The following SNTB1 variants were observed in gnomAD, a reference collection of about 807,000 sequenced individuals.
SNTB1 encodes beta-1-syntrophin.
In SNTB1, 36 loss-of-function variants were observed where a neutral mutation model predicts 48.9. That is an observed-to-expected ratio of 0.74 (90% confidence interval 0.56 to 0.97). SNTB1 has a LOEUF of 0.97. Among genes scored for constraint, SNTB1 ranks in the 50% least tolerant of loss-of-function variants. The probability of loss-of-function intolerance (pLI) is 0.00; values close to 1 mark genes in which losing one functional copy is unlikely to be tolerated. For synonymous variants in SNTB1, 299 were observed against 294.6 expected (o/e 1.01, Z -0.15); for missense variants, 786 against 703.4 (o/e 1.12, Z -1.33).
chr8:120,594,247 T>C (rs902985905), intron 3 of SNTB1, among the ~76,000 whole-genome samples: 1 of 151,838 alleles, frequency 6.6e-6, no homozygotes, highest in Non-Finnish European at 1.5e-5. Context: ...TGTATGTATG[T>C]ATGTTTTGAG....
chr8:120,540,591 C>T (rs1815270245), intron 6 of SNTB1, among the ~76,000 whole-genome samples: 2 of 152,116 alleles, frequency 1.3e-5, no homozygotes, highest in Admixed American at 6.6e-5. Flanking sequence ...TAGAAATAGT[C>T]TTAGTAAAAT....
intron 4 of SNTB1, among the ~76,000 whole-genome samples, chr8:120,553,259 G>T (rs1200323758): frequency 6.6e-6 from 1 of 152,202 alleles, no homozygotes; most frequent in Non-Finnish European, 1.5e-5. Flanking sequence ...AACTAACCAA[G>T]TGTAAATTCT....
At chr8:120,564,943 C>T (rs1815725880) in intron 4 of SNTB1, among the ~76,000 whole-genome samples, 1 of 152,142 alleles carries the variant, frequency 6.6e-6, no homozygotes, top group Admixed American at 6.5e-5. Context: ...TAAACTGAGG[C>T]TTGCCTGGGC....
At chr8:120,686,528 C>T (rs1042539078) in intron 2 of SNTB1, among the ~76,000 whole-genome samples, 1 of 151,998 alleles carries the variant, frequency 6.6e-6, no homozygotes, top group Non-Finnish European at 1.5e-5. Context: ...GACCTAACTG[C>T]CTCCCAAAGG....
At chr8:120,635,212 A>T (rs1011356214) in intron 2 of SNTB1, among the ~76,000 whole-genome samples, 2 of 152,220 alleles carry the variant, frequency 1.3e-5, no homozygotes, top group Non-Finnish European at 2.9e-5. Context: ...TTTCAAAAAA[A>T]TGGGTAATAA....
intron 2 of SNTB1, among the ~76,000 whole-genome samples, chr8:120,639,559 G>T (rs1444262804): frequency 6.6e-6 from 1 of 152,256 alleles, no homozygotes; most frequent in East Asian, 1.9e-4. Context: ...TTTTGTATAA[G>T]GTGTAAGGAA....
At position 120,541,890 on chromosome 8, in the gene SNTB1, G is replaced by GT; in HGVS notation, c.1443_1444insA (p.Pro482ThrfsTer3). On this transcript the variant is annotated frameshift_variant, in exon 6 of 7. Transcript: ENST00000517992. LOFTEE classifies it high-confidence loss of function. ...GAAGACATTTTGAGCTTTTCATAAG[G>GT]AGACTGTATGATGGTCTTGGGAAAG... 6.2e-7 allele frequency: 1 copy of GT among 1,613,966 alleles called. No individual in the cohort carries two copies. Among genetic ancestry groups the GT allele is most frequent in the Non-Finnish European group, 8.5e-7 (1 of 1,179,916 alleles).
At chr8:120,627,966 A>G (rs180961180) in intron 3 of SNTB1, among the ~76,000 whole-genome samples, 2 of 152,360 alleles carry the variant, frequency 1.3e-5, no homozygotes, top group African/African-American at 4.8e-5. Flanking sequence ...TTTGAAGCAT[A>G]TTGCTCACAA....
intron 1 of SNTB1, among the ~76,000 whole-genome samples, chr8:120,709,385 G>A (rs1818426681): frequency 6.6e-6 from 1 of 152,156 alleles, no homozygotes; most frequent in Admixed American, 6.5e-5. Flanking sequence ...TGAGGTTTGA[G>A]CTGTGGACAG....
chr8:120,694,577 A>C (rs1201921270), intron 1 of SNTB1, among the ~76,000 whole-genome samples: 1 of 151,386 alleles, frequency 6.6e-6, no homozygotes, highest in Non-Finnish European at 1.5e-5. Flanking sequence ...AATTCTTTAT[A>C]TATATATCTC....
intron 4 of SNTB1, among the ~76,000 whole-genome samples, chr8:120,560,263 A>G (rs939238844): frequency 1.3e-5 from 2 of 152,162 alleles, no homozygotes; most frequent in Admixed American, 6.5e-5. Flanking sequence ...CAGGCAGATC[A>G]CCTGAAGTCA....
chr8:120,593,126 A>C (rs550698860), intron 3 of SNTB1, among the ~76,000 whole-genome samples: 3 of 152,352 alleles, frequency 2.0e-5, no homozygotes, highest in Non-Finnish European at 4.4e-5. Flanking sequence ...ACTTAAAAAA[A>C]AATCAGTTGT....
chr8:120,717,879 A>G (rs1363488655), intron 1 of SNTB1, among the ~76,000 whole-genome samples: 1 of 152,202 alleles, frequency 6.6e-6, no homozygotes, highest in African/African-American at 2.4e-5. Flanking sequence ...TTCCTCAAAA[A>G]AGAGCCATAC....
intron 3 of SNTB1, among the ~76,000 whole-genome samples, chr8:120,610,664 G>A (rs1816605976): frequency 6.6e-6 from 1 of 152,156 alleles, no homozygotes; most frequent in African/African-American, 2.4e-5. Context: ...GAAACCAAGG[G>A]CCCAGCTTTA....
intron 2 of SNTB1, among the ~76,000 whole-genome samples, chr8:120,682,725 C>CGATA (rs950784949): frequency 3.3e-5 from 5 of 151,550 alleles, no homozygotes; most frequent in South Asian, 2.1e-4. Context: ...GGTAGATAGA[C>CGATA]GATAGATAGA....
chr8:120,597,225 T>C (rs1401437595), intron 3 of SNTB1, among the ~76,000 whole-genome samples: 1 of 152,208 alleles, frequency 6.6e-6, no homozygotes, highest in Non-Finnish European at 1.5e-5. Flanking sequence ...AAATAGATTG[T>C]CCTTTAGAGC....
intron 2 of SNTB1, among the ~76,000 whole-genome samples, chr8:120,675,763 T>C (rs747311815): frequency 1.3e-5 from 2 of 152,162 alleles, no homozygotes; most frequent in Non-Finnish European, 2.9e-5. Context: ...TCACAGGAGG[T>C]AAACTATCTT....
At chr8:120,754,385 G>A (rs1352629389) in intron 1 of SNTB1, among the ~76,000 whole-genome samples, 2 of 152,074 alleles carry the variant, frequency 1.3e-5, no homozygotes, top group Non-Finnish European at 2.9e-5. Flanking sequence ...TGTAGTACCA[G>A]CTCCTGGGGA....
At chr8:120,728,077 G>A (rs944964026) in intron 1 of SNTB1, among the ~76,000 whole-genome samples, 2 of 151,934 alleles carry the variant, frequency 1.3e-5, no homozygotes, top group East Asian at 1.9e-4. Flanking sequence ...TCAGCCTGGA[G>A]TGCAGTGGCA....
Sources: allele counts gnomAD v4.1 joint callset (sites outside exome capture counted in the v4.1 genomes callset), GRCh38; gene constraint gnomAD v4.1.1; transcripts MANE v1.5; gene names NCBI Gene and HGNC (gene_info 2026-07-23, HGNC 2026-07-21).